TPCN2: variants seen among roughly 807,000 people sequenced by gnomAD.
The protein encoded by TPCN2 is two pore channel protein 2.
Under a neutral mutation model 111.4 loss-of-function variants are expected in TPCN2, and 92 were observed. The observed-to-expected ratio is 0.83, with a 90% CI of 0.70 to 0.98. TPCN2 has a LOEUF of 0.98. TPCN2 is among the 50% of genes least tolerant of loss of function. The probability of loss-of-function intolerance (pLI) is 0.00; values close to 1 mark genes in which losing one functional copy is unlikely to be tolerated. For synonymous variants in TPCN2, 405 were observed against 414.5 expected (o/e 0.98, Z 0.28); for missense variants, 995 against 980.1 (o/e 1.02, Z -0.20).
intron 5 of TPCN2, among the ~76,000 whole-genome samples, chr11:69,059,456 C>T (rs1854923878): frequency 6.6e-6 from 1 of 152,248 alleles, no homozygotes; most frequent in Non-Finnish European, 1.5e-5. Context: ...TCACCATGTT[C>T]ACTCCCATTG....
chr11:69,052,973 G>A (rs1179496698), intron 1 of TPCN2, among the ~76,000 whole-genome samples: 1 of 152,246 alleles, frequency 6.6e-6, no homozygotes, highest in African/African-American at 2.4e-5. Context: ...TTCCCTGTTG[G>A]CCTGCTGGGG....
chr11:69,057,164 G>A (rs73514482), intron 4 of TPCN2, among the ~76,000 whole-genome samples: 11,147 of 152,284 alleles, frequency 0.073, 1,410 homozygotes, highest in African/African-American at 0.25. Context: ...GGAAATGGCA[G>A]TTAGGTAAGG....
At chr11:69,086,215 C>A (rs1463101549) in intron 22 of TPCN2, among the ~76,000 whole-genome samples, 2 of 152,150 alleles carry the variant, frequency 1.3e-5, no homozygotes, top group Non-Finnish European at 2.9e-5. Flanking sequence ...GGTGGGGGAG[C>A]CCCGGGAAGG....
intron 7 of TPCN2, among the ~76,000 whole-genome samples, chr11:69,065,431 G>A (rs906169054): frequency 2.6e-5 from 4 of 152,188 alleles, no homozygotes; most frequent in Non-Finnish European, 5.9e-5. Flanking sequence ...TCCAGGCGTG[G>A]GTTTCTGCCC....
rs72917389 is a variant in TPCN2, at chr11:69,055,363, C to T, written c.429+11C>T. 0.16 allele frequency: 253,301 copies of T among 1,594,150 alleles called. 22,564 individuals carry two copies. Among genetic ancestry groups the T allele is most frequent in the South Asian group, 0.21 (18,884 of 89,702 alleles). ...GACCTCTCTGTGAAGGTGAGGCGGG[C>T]GCCAGGCCCTCTACGTGCTGCCCCG... On this transcript the variant is annotated intron_variant, in intron 4 of 24. Coordinates refer to ENST00000294309, the MANE Select transcript of TPCN2 (RefSeq NM_139075.4).
chr11:69,049,932 G>A (rs544511785), intron 1 of TPCN2, among the ~76,000 whole-genome samples: 1 of 152,352 alleles, frequency 6.6e-6, no homozygotes, highest in African/African-American at 2.4e-5. Context: ...CCTGCCCAAG[G>A]TCACAGCCCT....
At chr11:69,054,344 G>C in intron 2 of TPCN2, 2 of 575,858 alleles carry the variant, frequency 3.5e-6, no homozygotes, top group Non-Finnish European at 6.2e-6. Context: ...CCCCATTCTA[G>C]GTCCCGGGTG....
intron 17 of TPCN2, among the ~76,000 whole-genome samples, chr11:69,080,101 C>A (rs151055002): frequency 6.6e-6 from 1 of 152,230 alleles, no homozygotes; most frequent in African/African-American, 2.4e-5. Flanking sequence ...GCTGGCACCC[C>A]GCAGGCTGTG....
chr11:69,081,572 G>C, intron 18 of TPCN2, 73 bp downstream of exon 18: 1 of 1,191,378 alleles, frequency 8.4e-7, no homozygotes, highest in Non-Finnish European at 1.2e-6. Context: ...GGGTGGGTGA[G>C]CCTGGGGCAG....
chr11:69,062,456 C>G (rs902428857), intron 5 of TPCN2, among the ~76,000 whole-genome samples: 5 of 150,716 alleles, frequency 3.3e-5, no homozygotes, highest in African/African-American at 4.9e-5. Flanking sequence ...GATGGGGACA[C>G]AAGGGGAGGC....
chr11:69,079,989 C>G (rs965150388), intron 17 of TPCN2, 106 bp downstream of exon 17: 1 of 1,008,762 alleles, frequency 9.9e-7, no homozygotes, highest in South Asian at 1.4e-5. Flanking sequence ...TGCTCTGACT[C>G]TAGGGCAGAC....
At chr11:69,061,637 C>G (rs569121943) in intron 5 of TPCN2, among the ~76,000 whole-genome samples, 1 of 152,114 alleles carries the variant, frequency 6.6e-6, no homozygotes, top group Non-Finnish European at 1.5e-5. Flanking sequence ...GCTGAGGGCG[C>G]CAGGCAGGAT....
rs774398154 is a variant in TPCN2, at chr11:69,085,221, C to T, written c.1773C>T (p.Tyr591=). The T allele has an allele frequency of 3.3e-5, 54 of 1,613,776 alleles. No individual in the cohort carries two copies. Among genetic ancestry groups the T allele is most frequent in the African/African-American group, 2.8e-4 (21 of 74,988 alleles). The change falls in exon 20 of 25, where the codon TAC becomes TAT. Residue 591 remains tyrosine, a synonymous_variant. Coordinates refer to ENST00000294309, the MANE Select transcript of TPCN2 (RefSeq NM_139075.4). ...TCCTGGCCCGCCAGGTGGTCTACTACGTATTTGCCATCATTGGGATCAACT... is the reference window on the plus strand; with the variant it reads ...TCCTGGCCCGCCAGGTGGTCTACTATGTATTTGCCATCATTGGGATCAACT... ...AFGGILVVVY[Y]VFAIIGINLF...
rs1856283445 is a variant in TPCN2 at position 69,086,512 on chromosome 11, G to T, written c.2004-11G>T. The T allele has an allele frequency of 1.2e-6, 2 of 1,613,610 alleles. No homozygotes were observed. The highest frequency in any genetic ancestry group is 1.7e-6 in the Non-Finnish European group (2 of 1,179,506). The stretch of plus-strand genomic sequence containing the variant: ...ATCGTGGTTCACAGGGTGGGTCTCT[G>T]TCCTCCGCAGGTGGTCCAAGATCTA... On this transcript the variant is annotated splice_polypyrimidine_tract_variant and intron_variant, in intron 22 of 24. Coordinates refer to ENST00000294309, the MANE Select transcript of TPCN2 (RefSeq NM_139075.4).
chr11:69,067,662 C>T (rs1157988571), intron 8 of TPCN2, 57 bp downstream of exon 8: 14 of 1,546,358 alleles, frequency 9.1e-6, no homozygotes, highest in Middle Eastern at 3.5e-4. Context: ...ACTGGGGGGC[C>T]GGTTTGGGCT....
chr11:69,081,912 C>T (rs753786246), intron 18 of TPCN2, among the ~76,000 whole-genome samples: 14 of 152,146 alleles, frequency 9.2e-5, no homozygotes, highest in Non-Finnish European at 1.8e-4. Context: ...TCCTCTAATG[C>T]GGGCGCAGGT....
intron 13 of TPCN2, among the ~76,000 whole-genome samples, chr11:69,075,037 C>T (rs139617399): frequency 1.7e-4 from 26 of 152,294 alleles, no homozygotes; most frequent in African/African-American, 5.8e-4. Context: ...CCCAGTAGAG[C>T]GGGCTTGTGT....
chr11:69,050,189 C>G (rs935121797), intron 1 of TPCN2, among the ~76,000 whole-genome samples: 1 of 152,236 alleles, frequency 6.6e-6, no homozygotes, highest in African/African-American at 2.4e-5. Flanking sequence ...CAGAAGCTGC[C>G]TCCAGGAAGT....
chr11:69,078,346 C>T, intron 13 of TPCN2, 136 bp from the exon 14 acceptor site: 1 of 1,130,576 alleles, frequency 8.8e-7, no homozygotes, highest in Non-Finnish European at 1.2e-6. Flanking sequence ...GGGATTATTT[C>T]CTGTGGCTGG....
Sources: gnomAD v4.1 joint callset for allele counts (sites outside exome capture counted in the v4.1 genomes callset) on GRCh38, gnomAD v4.1.1 for gene constraint, MANE v1.5 for transcripts, NCBI Gene and HGNC (gene_info 2026-07-23, HGNC 2026-07-21) for gene names.